Variants in CNTN5 observed in about 807,000 individuals in gnomAD.
The protein encoded by CNTN5 is contactin-5.
Under a neutral mutation model 129.1 loss-of-function variants are expected in CNTN5, and 77 were observed. The observed-to-expected ratio is 0.60, with a 90% CI of 0.50 to 0.72. The LOEUF (loss-of-function observed/expected upper bound fraction) is 0.72, where lower values mean the gene tolerates loss of function less well. CNTN5 is among the 30% of genes least tolerant of loss of function. The pLI, the probability that CNTN5 is intolerant of heterozygous loss-of-function variation, is 0.00. For missense variants in CNTN5, 1,478 were observed against 1,328.8 expected, an observed-to-expected ratio of 1.11 and a Z score of -1.75; for synonymous variants, 509 against 465.6, an observed-to-expected ratio of 1.09 and a Z score of -1.20.
intron 2 of CNTN5, among the ~76,000 whole-genome samples, chr11:99,510,799 C>T (rs1946806840): frequency 6.6e-6 from 1 of 152,162 alleles, no homozygotes. Flanking sequence ...CTATACTATA[C>T]TTTTCATCAT....
chr11:100,341,064 T>G, intron 22 of CNTN5, 29 bp from the exon 23 acceptor site: 1 of 1,398,730 alleles, frequency 7.1e-7, no homozygotes, highest in Non-Finnish European at 1.0e-6. Flanking sequence ...AGAATCCTTG[T>G]CAGTTCACTT....
chr11:100,301,439 T>C (rs1311259250), intron 20 of CNTN5, among the ~76,000 whole-genome samples: 1 of 151,624 alleles, frequency 6.6e-6, no homozygotes, highest in African/African-American at 2.4e-5. Flanking sequence ...AATATGCATA[T>C]TTTCTTTTAA....
intron 16 of CNTN5, chr11:100,225,451 T>C (rs868767702): frequency 2.0e-5 from 3 of 152,056 alleles, no homozygotes; most frequent in East Asian, 1.9e-4. Context: ...GTATGGGAAA[T>C]AGAGATCATA....
intron 3 of CNTN5, among the ~76,000 whole-genome samples, chr11:99,619,099 ATGCTT>A: frequency 6.6e-6 from 1 of 152,150 alleles, no homozygotes; most frequent in African/African-American, 2.4e-5. Flanking sequence ...TGTCAATAGA[ATGCTT>A]TAGTTATATT....
intron 13 of CNTN5, among the ~76,000 whole-genome samples, chr11:100,169,667 C>G (rs1018060420): frequency 2.6e-5 from 4 of 152,020 alleles, no homozygotes; most frequent in East Asian, 3.9e-4. Context: ...CATTGGAAAA[C>G]AAGACATTTT....
At chr11:99,420,973 G>A (rs1335076097) in intron 2 of CNTN5, among the ~76,000 whole-genome samples, 2 of 152,134 alleles carry the variant, frequency 1.3e-5, no homozygotes, top group East Asian at 3.9e-4. Flanking sequence ...ATGGATAGCA[G>A]GGCCCTTCTT....
At chr11:99,342,209 T>A (rs1866544305) in intron 2 of CNTN5, among the ~76,000 whole-genome samples, 1 of 152,088 alleles carries the variant, frequency 6.6e-6, no homozygotes, top group Non-Finnish European at 1.5e-5. Context: ...GACTTTAAAA[T>A]ATTTTAAAAT....
chr11:99,816,434 C>G (rs1265520039), intron 3 of CNTN5, among the ~76,000 whole-genome samples: 5 of 152,156 alleles, frequency 3.3e-5, no homozygotes, highest in African/African-American at 1.2e-4. Flanking sequence ...ACCATAGGCT[C>G]TCCATGTGTC....
chr11:99,362,365 T>C (rs1939171177), intron 2 of CNTN5, among the ~76,000 whole-genome samples: 1 of 152,000 alleles, frequency 6.6e-6, no homozygotes, highest in South Asian at 2.1e-4. Flanking sequence ...AGGTTCTTTA[T>C]ATATTCTAGA....
intron 18 of CNTN5, among the ~76,000 whole-genome samples, chr11:100,287,444 G>T (rs1369696006): frequency 6.9e-6 from 1 of 145,312 alleles, no homozygotes; most frequent in Admixed American, 6.8e-5. Context: ...GAGAGTGGGG[G>T]CCAATATTCA....
At chr11:99,477,109 A>C (rs1945399972) in intron 2 of CNTN5, among the ~76,000 whole-genome samples, 1 of 151,962 alleles carries the variant, frequency 6.6e-6, no homozygotes, top group Non-Finnish European at 1.5e-5. Context: ...AATTTATTTA[A>C]TTTGAAAAAA....
intron 1 of CNTN5, among the ~76,000 whole-genome samples, chr11:99,323,215 G>A (rs1258211536): frequency 1.3e-5 from 2 of 152,076 alleles, no homozygotes; most frequent in African/African-American, 4.8e-5. Context: ...CCCCAGAAAT[G>A]CTAAATAAGT....
intron 9 of CNTN5, among the ~76,000 whole-genome samples, chr11:100,026,493 A>G (rs1241596702): frequency 6.6e-6 from 1 of 152,076 alleles, no homozygotes; most frequent in African/African-American, 2.4e-5. Context: ...ACTATTTTGC[A>G]TTTTCACCAG....
At chr11:99,480,290 T>C (rs540019620) in intron 2 of CNTN5, among the ~76,000 whole-genome samples, 1 of 152,220 alleles carries the variant, frequency 6.6e-6, no homozygotes, top group African/African-American at 2.4e-5. Context: ...ATAAACTTTC[T>C]CTCCTGTGGA....
chr11:99,407,920 G>C (rs972518861), intron 2 of CNTN5, among the ~76,000 whole-genome samples: 1 of 152,092 alleles, frequency 6.6e-6, no homozygotes, highest in Admixed American at 6.5e-5. Flanking sequence ...TCTGCATCAT[G>C]CTTCCACTAC....
chr11:99,100,103 G>C (rs570140962), intron 1 of CNTN5, among the ~76,000 whole-genome samples: 1 of 151,972 alleles, frequency 6.6e-6, no homozygotes, highest in African/African-American at 2.4e-5. Context: ...ATAAAGTAAT[G>C]ACCCAAAAAA....
At chr11:99,051,167 A>T (rs1296686333) in intron 1 of CNTN5, among the ~76,000 whole-genome samples, 3 of 151,882 alleles carry the variant, frequency 2.0e-5, no homozygotes, top group Non-Finnish European at 4.4e-5. Context: ...GTTTCAGGAG[A>T]TGTGTACTTT....
intron 3 of CNTN5, among the ~76,000 whole-genome samples, chr11:99,613,249 TC>T (rs1241995916): frequency 3.3e-5 from 5 of 152,166 alleles, no homozygotes; most frequent in African/African-American, 1.2e-4. Context: ...GGGGCGGTTT[TC>T]CCCGTGCTGT....
At chr11:100,209,584 G>C (rs767908319) in intron 15 of CNTN5, among the ~76,000 whole-genome samples, 15 of 152,158 alleles carry the variant, frequency 9.9e-5, no homozygotes, top group Non-Finnish European at 1.8e-4. Context: ...ACATAAATGG[G>C]TTAATTGGTT....
Sources: gnomAD v4.1 joint callset for allele counts (sites outside exome capture counted in the v4.1 genomes callset) on GRCh38, gnomAD v4.1.1 for gene constraint, MANE v1.5 for transcripts, NCBI Gene and HGNC (gene_info 2026-07-23, HGNC 2026-07-21) for gene names.